CCDC146: variants seen among roughly 807,000 people sequenced by gnomAD.
The protein encoded by CCDC146 is coiled-coil domain-containing protein 146.
A neutral mutation model predicts 119.3 loss-of-function variants in CCDC146; 92 were observed. The ratio of observed to expected loss-of-function variants is 0.77; its 90% CI spans 0.65 to 0.92. The LOEUF (loss-of-function observed/expected upper bound fraction) is 0.92, where lower values mean the gene tolerates loss of function less well. Ranked by LOEUF, CCDC146 falls within the 40% of genes least tolerant of loss-of-function variation. The pLI, the probability that CCDC146 is intolerant of heterozygous loss-of-function variation, is 0.00. For missense variants in CCDC146, 1,000 were observed against 1,103.0 expected, an observed-to-expected ratio of 0.91 and a Z score of 1.32; for synonymous variants, 372 against 371.8, an observed-to-expected ratio of 1.00 and a Z score of -0.01.
At chr7:77,165,484 T>C (rs980729589) in intron 1 of CCDC146, among the ~76,000 whole-genome samples, 31 of 152,060 alleles carry the variant, frequency 2.0e-4, no homozygotes, top group African/African-American at 7.2e-4. Flanking sequence ...GCCAAGCAAA[T>C]AGGCCTGTGG....
At chr7:77,287,048 T>C (rs1292987446) in intron 16 of CCDC146, 122 bp downstream of exon 16, 9 of 1,073,094 alleles carry the variant, frequency 8.4e-6, no homozygotes, top group South Asian at 7.7e-5. Context: ...GTCACTAATA[T>C]AGTCCTTTTG....
chr7:77,184,258 C>G (rs565208514), intron 2 of CCDC146, among the ~76,000 whole-genome samples: 34 of 152,312 alleles, frequency 2.2e-4, no homozygotes, highest in African/African-American at 7.7e-4. Flanking sequence ...TTTCCAACCC[C>G]GCTTCCTTCA....
intron 4 of CCDC146, among the ~76,000 whole-genome samples, chr7:77,252,312 T>C (rs3114314): frequency 0.74 from 112,095 of 152,012 alleles, 43,038 homozygotes; most frequent in Non-Finnish European, 0.87. Flanking sequence ...GAAAGAAAAG[T>C]CCACAGATTC....
intron 1 of CCDC146, among the ~76,000 whole-genome samples, chr7:77,134,202 C>T (rs947641125): frequency 6.6e-6 from 1 of 151,532 alleles, no homozygotes; most frequent in African/African-American, 2.4e-5. Flanking sequence ...GCTGTTCAAA[C>T]ACATATATTG....
At chr7:77,163,120 A>C (rs1791286214) in intron 1 of CCDC146, among the ~76,000 whole-genome samples, 1 of 152,126 alleles carries the variant, frequency 6.6e-6, no homozygotes, top group Non-Finnish European at 1.5e-5. Flanking sequence ...AATTGTCTGA[A>C]CCTAAGTTTT....
At chr7:77,177,270 T>A (rs995620520) in intron 2 of CCDC146, among the ~76,000 whole-genome samples, 2 of 152,120 alleles carry the variant, frequency 1.3e-5, no homozygotes, top group Non-Finnish European at 2.9e-5. Context: ...CATTTCAATT[T>A]TTTTCGAGGA....
In CCDC146 at chr7:77,250,971, ATTTG is replaced by A. The variant is rs1218924483; in HGVS notation, c.450-3533_450-3530del. On this transcript the variant is annotated intron_variant, in intron 4 of 18. Coordinates refer to ENST00000285871, the MANE Select transcript of CCDC146 (RefSeq NM_020879.3). The stretch of plus-strand genomic sequence containing the variant: ...TGATACAGTGATTTTGATCTCTGGT[ATTTG>A]TGTGTGTGTGTGTGTGTGTGTGTGT... 5.0e-5 allele frequency among the ~76,000 whole-genome samples: 5 copies of A among 99,298 alleles called. No individual in the cohort carries two copies. The Admixed American group carries it at 5.3e-4, about 10-fold the overall frequency. The allele number at this position is 99,298 out of a possible 152,430, so 65.1% of individuals were successfully genotyped here. A position where few individuals can be genotyped will look rare whatever the true frequency, so the allele number is the denominator to read the frequency against.
chr7:77,155,308 T>C (rs1791164183), intron 1 of CCDC146, among the ~76,000 whole-genome samples: 1 of 152,124 alleles, frequency 6.6e-6, no homozygotes. Flanking sequence ...CCTCATGGAC[T>C]GCCTAATAAT....
chr7:77,163,860 CTT>C (rs530810388), intron 1 of CCDC146, among the ~76,000 whole-genome samples: 3,485 of 109,930 alleles, frequency 0.032, 77 homozygotes, highest in African/African-American at 0.11. Context: ...TCTTTTTTTT[CTT>C]TTTTTTTTTT....
chr7:77,254,294 G>A (rs547692405), intron 4 of CCDC146, among the ~76,000 whole-genome samples: 9 of 152,172 alleles, frequency 5.9e-5, no homozygotes, highest in Non-Finnish European at 1.0e-4. Flanking sequence ...CCTCTAAGTG[G>A]GTTGTGTTCA....
At chr7:77,275,942 C>T (rs1265859768) in intron 11 of CCDC146, among the ~76,000 whole-genome samples, 1 of 151,984 alleles carries the variant, frequency 6.6e-6, no homozygotes, top group East Asian at 1.9e-4. Flanking sequence ...CATGGTGACT[C>T]ATGCCTGTAA....
chr7:77,284,636 G>GA (rs901946014), intron 15 of CCDC146, among the ~76,000 whole-genome samples: 10 of 149,876 alleles, frequency 6.7e-5, no homozygotes, highest in Admixed American at 3.4e-4. Flanking sequence ...ATTGTTCTTA[G>GA]AAAAAAAATT....
intron 3 of CCDC146, 146 bp downstream of exon 3, chr7:77,237,175 GCAT>G (rs1396995101): frequency 4.6e-6 from 3 of 651,422 alleles, no homozygotes; most frequent in Non-Finnish European, 8.3e-6. Context: ...GTACGAGAAA[GCAT>G]CGTGAGAGAG....
intron 1 of CCDC146, among the ~76,000 whole-genome samples, chr7:77,156,490 G>A (rs2117456547): frequency 6.6e-6 from 1 of 150,754 alleles, no homozygotes; most frequent in East Asian, 1.9e-4. Flanking sequence ...GATTTGTTGG[G>A]TCTTTGAATA....
chr7:77,243,204 GAAAAA>G (rs1246905467), intron 4 of CCDC146, among the ~76,000 whole-genome samples: 1 of 152,072 alleles, frequency 6.6e-6, no homozygotes, highest in Non-Finnish European at 1.5e-5. Context: ...CCTGCCAAGA[GAAAAA>G]AACAAAAACA....
chr7:77,212,930 G>A (rs1458964926), intron 2 of CCDC146, among the ~76,000 whole-genome samples: 1 of 131,936 alleles, frequency 7.6e-6, no homozygotes, highest in African/African-American at 3.0e-5. Flanking sequence ...GTGCATAAAT[G>A]TTTTATCCAG....
intron 2 of CCDC146, among the ~76,000 whole-genome samples, chr7:77,227,522 G>C (rs1792537603): frequency 6.6e-6 from 1 of 152,132 alleles, no homozygotes; most frequent in Non-Finnish European, 1.5e-5. Flanking sequence ...AGCCAGCATG[G>C]TCTCGATCTC....
At chr7:77,137,337 A>G (rs1790874465) in intron 1 of CCDC146, among the ~76,000 whole-genome samples, 1 of 146,932 alleles carries the variant, frequency 6.8e-6, no homozygotes, top group African/African-American at 2.5e-5. Flanking sequence ...CTCATATAAC[A>G]TGATTGTCAT....
intron 1 of CCDC146, among the ~76,000 whole-genome samples, chr7:77,149,956 A>G (rs1458891915): frequency 1.3e-5 from 2 of 151,976 alleles, no homozygotes; most frequent in East Asian, 3.8e-4. Context: ...CAATGGGAAG[A>G]AGATCTTTTT....
Sources: allele counts gnomAD v4.1 joint callset (sites outside exome capture counted in the v4.1 genomes callset), GRCh38; gene constraint gnomAD v4.1.1; transcripts MANE v1.5; gene names NCBI Gene and HGNC (gene_info 2026-07-23, HGNC 2026-07-21).